YME1L1: variants seen among roughly 807,000 people sequenced by gnomAD.
YME1L1 encodes the protein ATP-dependent zinc metalloprotease YME1L1.
A neutral mutation model predicts 90.4 loss-of-function variants in YME1L1; 39 were observed. The observed-to-expected ratio is 0.43, with a 90% CI of 0.33 to 0.56. The LOEUF is 0.56. Among genes scored for constraint, YME1L1 ranks in the 20% least tolerant of loss-of-function variants. YME1L1 has a pLI of 0.03. For synonymous variants in YME1L1, 284 were observed against 287.3 expected (o/e 0.99, Z 0.12); for missense variants, 617 against 868.4 (o/e 0.71, Z 3.64).
At chr10:27,140,706 T>C (rs1329677621) in intron 4 of YME1L1, among the ~76,000 whole-genome samples, 2 of 151,976 alleles carry the variant, frequency 1.3e-5, no homozygotes, top group African/African-American at 4.8e-5. Flanking sequence ...CTTGAACTTC[T>C]GACCTTGTGA....
intron 8 of YME1L1, 56 bp from the exon 9 acceptor site, chr10:27,126,842 T>C: frequency 1.0e-6 from 1 of 961,116 alleles, no homozygotes; most frequent in Non-Finnish European, 1.6e-6. Context: ...TTGGTTAGAT[T>C]ATCAAGGCTT....
At chr10:27,143,580 C>A (rs540106870) in intron 3 of YME1L1, among the ~76,000 whole-genome samples, 3 of 151,582 alleles carry the variant, frequency 2.0e-5, no homozygotes, top group Non-Finnish European at 2.9e-5. Flanking sequence ...TGCGTGTAGT[C>A]CCAGCTGCTC....
intron 3 of YME1L1, among the ~76,000 whole-genome samples, chr10:27,144,880 G>A (rs564077756): frequency 1.8e-4 from 27 of 152,234 alleles, no homozygotes; most frequent in African/African-American, 6.0e-4. Flanking sequence ...GGTGGCTCAC[G>A]CCTATAATCC....
At position 27,142,375 on chromosome 10, in the gene YME1L1, G is replaced by A. The variant is rs760748099; in HGVS notation, c.430+12C>T. 3 of 1,388,362 alleles carry A rather than the reference G, an allele frequency of 2.2e-6. No homozygotes were observed. The highest frequency in any genetic ancestry group is 2.9e-6 in the Non-Finnish European group (3 of 1,046,870). 86.0% of individuals were successfully genotyped at this position (1,388,362 alleles called of 1,614,324 possible). A position where few individuals can be genotyped will look rare whatever the true frequency, so the allele number is the denominator to read the frequency against. On this transcript the variant is annotated intron_variant, in intron 4 of 18. Coordinates refer to ENST00000376016, the MANE Select transcript of YME1L1 (RefSeq NM_014263.4). ...ATTTTTTTTTCCACAATTTATGGTT[G>A]TTGCTTCATACCTGGCCAGTACTGA...
intron 2 of YME1L1, among the ~76,000 whole-genome samples, chr10:27,148,109 T>C (rs1437220467): frequency 6.6e-6 from 1 of 152,194 alleles, no homozygotes; most frequent in Non-Finnish European, 1.5e-5. Flanking sequence ...TTAAGAGTTT[T>C]ATTTACTTCT....
At chr10:27,142,294 T>C (rs1000958068) in intron 4 of YME1L1, 93 bp downstream of exon 4, 1 of 720,114 alleles carries the variant, frequency 1.4e-6, no homozygotes, top group South Asian at 4.5e-5. Context: ...GAATTGCAAA[T>C]GAATGTTTAG....
chr10:27,138,951 T>C (rs903193990), intron 4 of YME1L1, among the ~76,000 whole-genome samples: 1 of 152,168 alleles, frequency 6.6e-6, no homozygotes, highest in African/African-American at 2.4e-5. Flanking sequence ...AATTAAAATA[T>C]ATCATGTCTT....
In YME1L1 at chr10:27,150,527, T is replaced by C. The variant is rs569269516; in HGVS notation, c.34-1487A>G. 3.9e-5 allele frequency among the ~76,000 whole-genome samples: 6 copies of C among 152,274 alleles called. No homozygotes were observed. The South Asian group carries it at 6.2e-4, about 16-fold the overall frequency. ...ATACAGGTCATAAAGACCGTGATGA[T>C]AAAACAGGTTGTAGTAAGGAAGCCA... On this transcript the variant is annotated intron_variant, in intron 1 of 18. Coordinates refer to ENST00000376016, the MANE Select transcript of YME1L1 (RefSeq NM_014263.4).
chr10:27,143,426 G>A lies in YME1L1; in HGVS notation c.332-941C>T, dbSNP rs146117168. ...AGATGTACTGTGTTTAAGGCCAGGC[G>A]CGGTGCCTCACGCCTGTAATCCCAG... On this transcript the variant is annotated intron_variant, in intron 3 of 18. Coordinates refer to ENST00000376016, the MANE Select transcript of YME1L1 (RefSeq NM_014263.4). Among the ~76,000 whole-genome samples, 501 of 151,848 alleles carry A rather than the reference G, an allele frequency of 3.3e-3. 1 individual carries two copies. The highest frequency in any genetic ancestry group is 0.011 in the African/African-American group (459 of 41,418).
chr10:27,129,085 CAAAAAAAAAA>C (rs71523559), intron 8 of YME1L1, among the ~76,000 whole-genome samples: 2 of 48,508 alleles, frequency 4.1e-5, no homozygotes, highest in African/African-American at 7.5e-5. Context: ...GACCCTGTCT[CAAAAAAAAAA>C]AAAAAAAAAA....
intron 5 of YME1L1, among the ~76,000 whole-genome samples, chr10:27,135,425 T>TA (rs953483261): frequency 7.9e-5 from 12 of 152,346 alleles, no homozygotes; most frequent in Non-Finnish European, 1.6e-4. Context: ...AAAAGATATA[T>TA]AAATAACTAA....
intron 1 of YME1L1, among the ~76,000 whole-genome samples, chr10:27,151,241 C>G (rs1340483969): frequency 6.6e-6 from 1 of 152,142 alleles, no homozygotes. Flanking sequence ...AATTCTTGTG[C>G]GAGATCCAAC....
At chr10:27,147,473 G>T (rs1220135404) in intron 2 of YME1L1, 1 of 1,614,142 alleles carries the variant, frequency 6.2e-7, no homozygotes, top group Admixed American at 1.7e-5. Flanking sequence ...TAGACAATAG[G>T]CATTTGGAGA....
At chr10:27,116,484 T>C (rs1588582681) in intron 15 of YME1L1, 139 bp from the exon 16 acceptor site, 1 of 845,224 alleles carries the variant, frequency 1.2e-6, no homozygotes. Flanking sequence ...CTGACCAACA[T>C]GGAGAAATCC....
At chr10:27,154,038 ACTCCTCAATCCT>A in intron 1 of YME1L1, 128 bp downstream of exon 1, 1 of 1,139,358 alleles carries the variant, frequency 8.8e-7, no homozygotes, top group Non-Finnish European at 1.3e-6. Context: ...CCCCTGATCC[ACTCCTCAATCCT>A]GGGATTCGCA....
Position 27,154,342 on chromosome 10 carries a change from C to G in YME1L1, c.-132G>C, listed in dbSNP as rs745827310. Reference sequence around the variant, plus strand: ...CGTTGCCCCTCACTCCTCCCAGAAACGGAAAATGGCCTCCCCTTCCTACAG... The same window carrying G: ...CGTTGCCCCTCACTCCTCCCAGAAAGGGAAAATGGCCTCCCCTTCCTACAG... On this transcript the variant is annotated 5_prime_UTR_variant, in exon 1 of 19. Coordinates refer to ENST00000376016, the MANE Select transcript of YME1L1 (RefSeq NM_014263.4). The G allele has an allele frequency of 1.4e-5, 15 of 1,084,508 alleles. No homozygotes were observed. Among genetic ancestry groups the G allele is most frequent in the Non-Finnish European group, 2.0e-5 (15 of 758,234 alleles). 67.2% of individuals were successfully genotyped at this position (1,084,508 alleles called of 1,614,324 possible). A position where few individuals can be genotyped will look rare whatever the true frequency, so the allele number is the denominator to read the frequency against.
chr10:27,120,291 T>A, intron 13 of YME1L1, 144 bp downstream of exon 13: 1 of 602,114 alleles, frequency 1.7e-6, no homozygotes, highest in East Asian at 2.9e-5. Context: ...AATGGACTTT[T>A]AAACGAACAT....
In YME1L1 at chr10:27,149,026, C is replaced by G; in HGVS notation, c.48G>C (p.Leu16=). The G allele has an allele frequency of 3.1e-6, 5 of 1,606,290 alleles. No individual in the cohort carries two copies. Among genetic ancestry groups the G allele is most frequent in the Non-Finnish European group, 4.2e-6 (5 of 1,177,734 alleles). Residue 16 remains leucine (L), a synonymous_variant, in exon 2 of 19, where the codon CTG becomes CTC. Coordinates refer to ENST00000376016, the MANE Select transcript of YME1L1 (RefSeq NM_014263.4). The part of the protein sequence containing the change: ...STVQPQVTVP[L]SHLINAFHTP... ...TATGGAAGGCATTGATGAGATGACT[C>G]AGAGGAACTGTAACCTAGAAAAAGA...
At chr10:27,141,143 C>T (rs1222239553) in intron 4 of YME1L1, among the ~76,000 whole-genome samples, 1 of 152,048 alleles carries the variant, frequency 6.6e-6, no homozygotes, top group Non-Finnish European at 1.5e-5. Context: ...TGCTGTCATC[C>T]CAACACTTTA....
Sources: gnomAD v4.1 joint callset for allele counts (sites outside exome capture counted in the v4.1 genomes callset) on GRCh38, gnomAD v4.1.1 for gene constraint, MANE v1.5 for transcripts, NCBI Gene and HGNC (gene_info 2026-07-23, HGNC 2026-07-21) for gene names.